Variants in TXNDC16 observed in about 807,000 individuals in gnomAD.
TXNDC16 encodes the protein thioredoxin domain-containing protein 16.
TXNDC16 carries 74 observed loss-of-function variants against 85.6 expected under a neutral mutation model. The ratio of observed to expected loss-of-function variants is 0.86; its 90% CI spans 0.72 to 1.05. The LOEUF (loss-of-function observed/expected upper bound fraction) is 1.05, where lower values mean the gene tolerates loss of function less well. Among genes scored for constraint, TXNDC16 ranks in the 50% least tolerant of loss-of-function variants. TXNDC16 has a pLI of 0.00. For missense variants in TXNDC16, 959 were observed against 947.0 expected (o/e 1.01, Z -0.17); for synonymous variants, 335 against 326.5 (o/e 1.03, Z -0.28).
rs145095506 is a variant in TXNDC16, at chr14:52,456,751, T to C, written c.1703+339A>G. ...CCCACTCACCCACCCAGGGGGTAAA[T>C]AAAACCTCAGATGCTCAAAAAGAAA... On this transcript the variant is annotated intron_variant, in intron 17 of 20. Transcript: ENST00000281741. Among the ~76,000 whole-genome samples, 133 of 152,142 alleles carry C rather than the reference T, an allele frequency of 8.7e-4. 2 individuals are homozygous for C. In the East Asian group the frequency reaches 0.02, roughly 23 times the overall value.
rs2034891607 is a variant in TXNDC16, at chr14:52,431,391, C to T, written c.*913G>A. ...TTAAAATATAAATATCATTCTGAGT[C>T]CTCTTCTAGGGTTATCCCATCACTT... On this transcript the variant is annotated 3_prime_UTR_variant, in exon 21 of 21. Coordinates refer to ENST00000281741, the MANE Select transcript of TXNDC16 (RefSeq NM_020784.3). 6.6e-6 allele frequency: 1 copy of T among 152,146 alleles called. No homozygotes were observed. The highest frequency in any genetic ancestry group is 2.4e-5 in the African/African-American group (1 of 41,432). The allele number at this position is 152,146 out of a possible 1,614,324, so 9.4% of individuals were successfully genotyped here.
chr14:52,506,527 C>CTTTTTTTTTTT (rs765293725), intron 9 of TXNDC16, among the ~76,000 whole-genome samples: 8 of 97,552 alleles, frequency 8.2e-5, no homozygotes, highest in African/African-American at 1.3e-4. Flanking sequence ...TTCAACAACC[C>CTTTTTTTTTTT]TTTTTTTTTT....
In TXNDC16 at chr14:52,439,341, G is replaced by A. The variant is rs752842679; in HGVS notation, c.2057C>T (p.Pro686Leu). 8.7e-6 allele frequency: 14 copies of A among 1,613,866 alleles called. No homozygotes were observed. The Admixed American group carries it at 2.0e-4, about 23-fold the overall frequency. Residue 686 changes from proline (P) to leucine (L), a missense_variant, in exon 20 of 21, where the codon CCT becomes CTT. Coordinates refer to ENST00000281741, the MANE Select transcript of TXNDC16 (RefSeq NM_020784.3). Reference protein sequence around the residue: ...GILRAYFDPLPPLPLLVLVNL... With the variant: ...GILRAYFDPLLPLPLLVLVNL... ...CACCAAAACAAGAAGAGGAAGGGGA[G>A]GCAGAGGATCAAAATATGCCCTCAA... is the stretch of plus-strand genomic sequence containing the variant.
At chr14:52,529,266 G>A (rs185289587) in intron 6 of TXNDC16, among the ~76,000 whole-genome samples, 1,938 of 144,100 alleles carry the variant, frequency 0.013, 42 homozygotes, top group African/African-American at 0.046. Flanking sequence ...ACATAGGTGG[G>A]AATTGAACAA....
At position 52,469,205 on chromosome 14, in the gene TXNDC16, G is replaced by C. The variant is rs1291628552; in HGVS notation, c.1618+832C>G. 3.3e-5 allele frequency among the ~76,000 whole-genome samples: 5 copies of C among 151,930 alleles called. No homozygotes were observed. In the East Asian group the frequency reaches 5.8e-4, roughly 18 times the overall value. On this transcript the variant is annotated intron_variant, in intron 16 of 20. Coordinates refer to ENST00000281741, the MANE Select transcript of TXNDC16 (RefSeq NM_020784.3). ...CTACAAAAACACAAAAAATTAGCTG[G>C]GCATGGTGGCACATGTCTGTGGTCC...
At chr14:52,509,898 G>A (rs553651325) in intron 9 of TXNDC16, among the ~76,000 whole-genome samples, 100 of 151,858 alleles carry the variant, frequency 6.6e-4, no homozygotes, top group African/African-American at 2.4e-3. Flanking sequence ...GGAGAATGGC[G>A]TGAACCCAGG....
chr14:52,521,278 A>ATTTT (rs34014029), intron 6 of TXNDC16, among the ~76,000 whole-genome samples: 1 of 134,444 alleles, frequency 7.4e-6, no homozygotes, highest in Non-Finnish European at 1.6e-5. Flanking sequence ...ACGCCTGGCT[A>ATTTT]TTTTTTTTTT....
chr14:52,485,093 A>G (rs1331994060), intron 12 of TXNDC16, among the ~76,000 whole-genome samples: 2 of 152,204 alleles, frequency 1.3e-5, no homozygotes, highest in African/African-American at 4.8e-5. Context: ...ATCATAGGAA[A>G]TGACAGCTCC....
intron 9 of TXNDC16, among the ~76,000 whole-genome samples, chr14:52,504,811 G>A (rs1022315802): frequency 1.3e-5 from 2 of 152,134 alleles, no homozygotes; most frequent in African/African-American, 2.4e-5. Context: ...TCAGTGTGCT[G>A]TATTCAGGAA....
chr14:52,473,240 T>G (rs867412982), intron 14 of TXNDC16, among the ~76,000 whole-genome samples: 57 of 152,250 alleles, frequency 3.7e-4, no homozygotes, highest in Admixed American at 2.9e-3. Flanking sequence ...AAACAACTTG[T>G]GTGTGTCCGT....
At chr14:52,493,181 C>T (rs1205624599) in intron 9 of TXNDC16, among the ~76,000 whole-genome samples, 3 of 126,450 alleles carry the variant, frequency 2.4e-5, no homozygotes, top group African/African-American at 1.0e-4. Context: ...AATGTGAACA[C>T]ATGTCACTGT....
intron 6 of TXNDC16, among the ~76,000 whole-genome samples, chr14:52,534,675 C>G (rs1419708963): frequency 6.6e-6 from 1 of 152,170 alleles, no homozygotes; most frequent in Non-Finnish European, 1.5e-5. Context: ...CTACTCCCTT[C>G]TCTGTGGATC....
intron 20 of TXNDC16, 48 bp downstream of exon 20, chr14:52,439,156 T>A (rs1377189791): frequency 1.3e-6 from 2 of 1,542,418 alleles, no homozygotes; most frequent in Non-Finnish European, 1.8e-6. Context: ...TTAACATTTA[T>A]GGAACAAAAT....
intron 18 of TXNDC16, among the ~76,000 whole-genome samples, chr14:52,452,756 G>C (rs943518481): frequency 6.6e-6 from 1 of 152,080 alleles, no homozygotes; most frequent in Admixed American, 6.6e-5. Flanking sequence ...AAACTCTACA[G>C]GACACTAGAC....
intron 7 of TXNDC16, among the ~76,000 whole-genome samples, chr14:52,515,710 T>C (rs1012269739): frequency 6.8e-6 from 1 of 146,120 alleles, no homozygotes; most frequent in African/African-American, 2.6e-5. Context: ...TGTGTGTGTG[T>C]ATCATATATA....
chr14:52,502,200 C>T (rs548788436), intron 9 of TXNDC16, among the ~76,000 whole-genome samples: 4 of 152,310 alleles, frequency 2.6e-5, no homozygotes, highest in South Asian at 2.1e-4. Context: ...CAGTGTCTAC[C>T]GGGGCTTCTG....
intron 1 of TXNDC16, among the ~76,000 whole-genome samples, chr14:52,550,524 C>T (rs1249403473): frequency 6.6e-6 from 1 of 152,174 alleles, no homozygotes; most frequent in Non-Finnish European, 1.5e-5. Flanking sequence ...CTCCCATCCC[C>T]CAAAAAAGAG....
intron 7 of TXNDC16, among the ~76,000 whole-genome samples, chr14:52,516,955 C>T (rs1170113419): frequency 6.6e-6 from 1 of 152,076 alleles, no homozygotes. Flanking sequence ...TTTCAAAATC[C>T]CAGCCTCTCA....
intron 12 of TXNDC16, among the ~76,000 whole-genome samples, chr14:52,486,281 CTTT>C (rs35703912): frequency 2.6e-5 from 3 of 114,380 alleles, no homozygotes; most frequent in Non-Finnish European, 1.8e-5. Flanking sequence ...ACACATGCTG[CTTT>C]TTTTTTTTTT....
Sources: allele counts gnomAD v4.1 joint callset (sites outside exome capture counted in the v4.1 genomes callset), GRCh38; gene constraint gnomAD v4.1.1; transcripts MANE v1.5; gene names NCBI Gene and HGNC (gene_info 2026-07-23, HGNC 2026-07-21).